FSTL1: variants seen among roughly 807,000 people sequenced by gnomAD.
FSTL1 encodes follistatin-related protein 1.
Under a neutral mutation model 45.9 loss-of-function variants are expected in FSTL1, and 24 were observed. The observed-to-expected ratio is 0.52, with a 90% confidence interval of 0.38 to 0.74. The LOEUF is 0.74. FSTL1 is among the 30% of genes least tolerant of loss of function. The pLI is 0.00. For synonymous variants in FSTL1, 120 were observed against 137.6 expected (o/e 0.87, Z 0.89); for missense variants, 340 against 381.8 (o/e 0.89, Z 0.91).
intron 2 of FSTL1, among the ~76,000 whole-genome samples, chr3:120,422,743 G>A (rs567470814): frequency 6.6e-6 from 1 of 151,114 alleles, no homozygotes; most frequent in South Asian, 2.1e-4. Context: ...TGCCAAGGCT[G>A]GAGTGCAGTG....
chr3:120,402,898 T>C lies in FSTL1; in HGVS notation c.715A>G (p.Thr239Ala). The C allele has an allele frequency of 6.2e-7, 1 of 1,611,696 alleles. No individual in the cohort carries two copies. Among genetic ancestry groups the C allele is most frequent in the Non-Finnish European group, 8.5e-7 (1 of 1,177,878 alleles). The change falls in exon 9 of 11, where the codon ACG becomes GCG. Residue 239 changes from threonine to alanine, a missense_variant. Physicochemically the swap from Thr to Ala is moderately conservative, Grantham distance 58 (BLOSUM62 0). Coordinates refer to ENST00000295633, the MANE Select transcript of FSTL1 (RefSeq NM_007085.5). ...TCGGTCTCAGCTCCATCTGCATACG[T>C]TTCATCCTCCAGGGCACACTCTGTT... ...PEKKCALEDE[T>A]YADGAETEVD... is the part of the protein sequence containing the mutation.
intron 2 of FSTL1, among the ~76,000 whole-genome samples, chr3:120,439,403 A>G (rs759867590): frequency 9.9e-5 from 15 of 152,228 alleles, no homozygotes; most frequent in Admixed American, 3.9e-4. Flanking sequence ...AAGAAACCAG[A>G]TATTTAAGAT....
chr3:120,431,711 C>T (rs1296928563), intron 2 of FSTL1, among the ~76,000 whole-genome samples: 1 of 152,122 alleles, frequency 6.6e-6, no homozygotes, highest in Non-Finnish European at 1.5e-5. Context: ...TGAGTTCTGA[C>T]CTCACTGCAT....
chr3:120,427,929 C>T (rs947416916), intron 2 of FSTL1, among the ~76,000 whole-genome samples: 7 of 151,914 alleles, frequency 4.6e-5, no homozygotes, highest in African/African-American at 1.7e-4. Flanking sequence ...ACCTTGGGGG[C>T]CTATACTAGG....
intron 3 of FSTL1, 55 bp from the exon 4 acceptor site, chr3:120,412,038 CACACACACACACATACATG>C: frequency 1.6e-6 from 1 of 635,554 alleles, no homozygotes; most frequent in Non-Finnish European, 2.5e-6. Context: ...GACACACAGA[CACACACACACACATACATG>C]CACACACACA....
chr3:120,412,828 GCGCGCGCGCGCACACACACACA>G (rs1937092251), intron 3 of FSTL1, among the ~76,000 whole-genome samples: 9 of 67,482 alleles, frequency 1.3e-4, no homozygotes, highest in African/African-American at 3.9e-4. Flanking sequence ...GTGCGCGCGC[GCGCGCGCGCGCACACACACACA>G]CACACACACA....
intron 10 of FSTL1, among the ~76,000 whole-genome samples, chr3:120,398,622 CATT>C (rs957748719): frequency 6.6e-6 from 1 of 152,232 alleles, no homozygotes; most frequent in Admixed American, 6.5e-5. Context: ...ACACACTCTT[CATT>C]ACTTCCTTCT....
Position 120,403,928 on chromosome 3 carries a change from A to AC in FSTL1, c.582-575_582-574insG, listed in dbSNP as rs1273124161. On this transcript the variant is annotated intron_variant, in intron 7 of 10. Transcript: ENST00000295633. ...AGAGCGAGACTCCGTCTCAAAAAAA[A>AC]AAAAAAAAAAAAAAAACAAAAACAA... Among the ~76,000 whole-genome samples the AC allele has an allele frequency of 1.0e-4, 13 of 127,040 alleles. 1 individual carries two copies. The highest frequency in any genetic ancestry group is 3.4e-4 in the African/African-American group (11 of 32,708). 83.3% of individuals were successfully genotyped at this position (127,040 alleles called of 152,430 possible).
intron 3 of FSTL1, among the ~76,000 whole-genome samples, chr3:120,414,400 C>T (rs774936618): frequency 6.6e-5 from 10 of 151,566 alleles, no homozygotes; most frequent in East Asian, 1.9e-4. Flanking sequence ...GGCCGCCCAT[C>T]GTCTGAGATG....
At chr3:120,397,069 C>T in intron 10 of FSTL1, 73 bp from the exon 11 acceptor site, 1 of 1,178,334 alleles carries the variant, frequency 8.5e-7, no homozygotes, top group Non-Finnish European at 1.3e-6. Context: ...TTCCTCAAGA[C>T]TATATAGCAT....
At chr3:120,413,747 C>T (rs1196284257) in intron 3 of FSTL1, among the ~76,000 whole-genome samples, 1 of 149,716 alleles carries the variant, frequency 6.7e-6, no homozygotes, top group East Asian at 2.0e-4. Context: ...ATCAAAGGCT[C>T]TCTTTGTTTT....
At position 120,394,366 on chromosome 3, in the gene FSTL1, C is replaced by T. The variant is rs976629617; in HGVS notation, c.*2586G>A. The T allele has an allele frequency of 6.6e-6, 1 of 152,204 alleles. No individual in the cohort carries two copies. The highest frequency in any genetic ancestry group is 6.5e-5 in the Admixed American group (1 of 15,272). The allele number at this position is 152,204 out of a possible 1,614,324, so 9.4% of individuals were successfully genotyped here. On this transcript the variant is annotated 3_prime_UTR_variant, in exon 11 of 11. Coordinates refer to ENST00000295633, the MANE Select transcript of FSTL1 (RefSeq NM_007085.5). ...AAGTTAAATGCAATATAGAAGCCTA[C>T]TAAATACAAATACAAGTTCACAAAC...
At chr3:120,419,797 G>C (rs1338282131) in intron 2 of FSTL1, 1 of 152,184 alleles carries the variant, frequency 6.6e-6, no homozygotes, top group East Asian at 1.9e-4. Context: ...CAGGAAAACC[G>C]GCCAGGTTTA....
chr3:120,398,227 T>C (rs936440309), intron 10 of FSTL1, among the ~76,000 whole-genome samples: 1 of 152,222 alleles, frequency 6.6e-6, no homozygotes, highest in African/African-American at 2.4e-5. Context: ...AATTTTATGG[T>C]ATATGAATCA....
intron 4 of FSTL1, chr3:120,411,474 A>C (rs1229178024): frequency 1.5e-5 from 3 of 200,680 alleles, no homozygotes; most frequent in Non-Finnish European, 3.1e-5. Context: ...CAATACTGAG[A>C]GGTGCCCAAA....
At chr3:120,441,140 C>T (rs1937623223) in intron 2 of FSTL1, 1 of 152,242 alleles carries the variant, frequency 6.6e-6, no homozygotes, top group Non-Finnish European at 1.5e-5. Flanking sequence ...GGATCCTATT[C>T]CTTTGCATTA....
At chr3:120,399,354 A>G (rs1009370480) in intron 10 of FSTL1, among the ~76,000 whole-genome samples, 2 of 151,842 alleles carry the variant, frequency 1.3e-5, no homozygotes, top group Non-Finnish European at 2.9e-5. Context: ...TGGGAAGGAG[A>G]CTCTTTGTTA....
At chr3:120,424,960 T>G (rs1277180354) in intron 2 of FSTL1, among the ~76,000 whole-genome samples, 1 of 151,740 alleles carries the variant, frequency 6.6e-6, no homozygotes, top group East Asian at 1.9e-4. Flanking sequence ...GGTGAGAAAT[T>G]GAGGCAGAGG....
intron 2 of FSTL1, among the ~76,000 whole-genome samples, chr3:120,420,065 T>C (rs1203023392): frequency 6.6e-6 from 1 of 152,166 alleles, no homozygotes; most frequent in East Asian, 1.9e-4. Context: ...AGCCTCAAGG[T>C]TCCCTCTTGG....
Sources: allele counts gnomAD v4.1 joint callset (sites outside exome capture counted in the v4.1 genomes callset), GRCh38; gene constraint gnomAD v4.1.1; transcripts MANE v1.5; gene names NCBI Gene and HGNC (gene_info 2026-07-23, HGNC 2026-07-21).